AIMP1: variants seen among roughly 807,000 people sequenced by gnomAD.
AIMP1 encodes the protein aminoacyl tRNA synthetase complex interacting multifunctional protein 1.
AIMP1 carries 24 observed loss-of-function variants against 33.1 expected under a neutral mutation model. The observed-to-expected ratio is 0.73, with a 90% CI of 0.53 to 1.02. The LOEUF is 1.02. AIMP1 is among the 50% of genes least tolerant of loss of function. The probability of loss-of-function intolerance (pLI) is 0.00; values close to 1 mark genes in which losing one functional copy is unlikely to be tolerated. For synonymous variants in AIMP1, 120 were observed against 121.5 expected, an observed-to-expected ratio of 0.99 and a Z score of 0.08; for missense variants, 367 against 364.8, an observed-to-expected ratio of 1.01 and a Z score of -0.05.
chr4:106,327,239 T>C (rs1424953394), intron 2 of AIMP1, among the ~76,000 whole-genome samples: 3 of 146,870 alleles, frequency 2.0e-5, no homozygotes, highest in Non-Finnish European at 4.6e-5. Context: ...TTTACTCTTA[T>C]TTCATATATT....
Position 106,336,317 on chromosome 4 carries a change from T to C in AIMP1, c.604-552T>C, listed in dbSNP as rs1434964919. ...TCAGCTTCCCAAGGAGCTGGGATTA[T>C]AGGTGTGAGCCACCACACCCAGCCA... On this transcript the variant is annotated intron_variant, in intron 5 of 6. Transcript: ENST00000672341. Among the ~76,000 whole-genome samples the C allele has an allele frequency of 3.3e-5, 5 of 151,366 alleles. No individual in the cohort carries two copies. In the South Asian group the frequency reaches 8.3e-4, roughly 25 times the overall value.
intron 5 of AIMP1, among the ~76,000 whole-genome samples, chr4:106,333,512 G>C (rs765118514): frequency 6.6e-6 from 1 of 152,072 alleles, no homozygotes; most frequent in African/African-American, 2.4e-5. Flanking sequence ...TTAATTATCC[G>C]AGCCAGTGAA....
At chr4:106,316,507 G>A (rs1215976674), upstream of AIMP1, 7 of 1,549,340 alleles carry the variant, frequency 4.5e-6, no homozygotes, top group Non-Finnish European at 6.1e-6. Flanking sequence ...ACCTCATTGG[G>A]TCCTTTCTCA....
At chr4:106,332,727 TCTCA>T (rs1769730494) in intron 5 of AIMP1, among the ~76,000 whole-genome samples, 1 of 151,316 alleles carries the variant, frequency 6.6e-6, no homozygotes, top group African/African-American at 2.4e-5. Context: ...TACTCATTTA[TCTCA>T]CTCTGAGGCT....
chr4:106,337,431 A>G (rs1769927103), intron 6 of AIMP1, among the ~76,000 whole-genome samples: 1 of 152,116 alleles, frequency 6.6e-6, no homozygotes. Context: ...ATGGTTTTAT[A>G]AAAGGGCAGT....
At chr4:106,323,690 G>C (rs528741592) in intron 1 of AIMP1, among the ~76,000 whole-genome samples, 3 of 150,828 alleles carry the variant, frequency 2.0e-5, no homozygotes, top group Non-Finnish European at 4.4e-5. Context: ...TTTTATTTTA[G>C]TCTAACATAA....
intron 5 of AIMP1, among the ~76,000 whole-genome samples, chr4:106,332,393 A>G (rs970265755): frequency 1.3e-5 from 2 of 151,778 alleles, no homozygotes; most frequent in Non-Finnish European, 2.9e-5. Flanking sequence ...GGTTTATTTT[A>G]CATGATTTTG....
intron 1 of AIMP1, among the ~76,000 whole-genome samples, chr4:106,317,805 A>G (rs1263906967): frequency 3.9e-5 from 6 of 152,276 alleles, no homozygotes; most frequent in Admixed American, 2.0e-4. Flanking sequence ...TAAAATGGAA[A>G]TCACATCTGT....
At chr4:106,321,297 TGAG>T (rs1181266441) in intron 1 of AIMP1, 1 of 158,376 alleles carries the variant, frequency 6.3e-6, no homozygotes, top group African/African-American at 2.5e-5. Context: ...GTCTAGGAAG[TGAG>T]GAGCGTCTCT....
At chr4:106,343,413 A>C (rs986888226) in intron 6 of AIMP1, among the ~76,000 whole-genome samples, 1 of 152,230 alleles carries the variant, frequency 6.6e-6, no homozygotes, top group Non-Finnish European at 1.5e-5. Flanking sequence ...TGGAATAGTA[A>C]GACAGAAAAT....
In AIMP1 at chr4:106,337,048, A is replaced by T. The variant is rs775011435; in HGVS notation, c.772+11A>T. The stretch of plus-strand genomic sequence containing the variant: ...TTGATGCTTTCCCAGGTAGGTATTT[A>T]TTAGTAATTACTTAATAGTTTCGGA... On this transcript the variant is annotated intron_variant, in intron 6 of 6. Transcript: ENST00000672341. The T allele has an allele frequency of 6.2e-7, 1 of 1,610,704 alleles. No homozygotes were observed. The highest frequency in any genetic ancestry group is 2.2e-5 in the East Asian group (1 of 44,822).
At chr4:106,345,100 A>G (rs1435663606) in intron 6 of AIMP1, among the ~76,000 whole-genome samples, 1 of 152,198 alleles carries the variant, frequency 6.6e-6, no homozygotes, top group Non-Finnish European at 1.5e-5. Context: ...GTGTGTTATT[A>G]TGAATGTTAT....
At chr4:106,340,716 G>A (rs1378788949) in intron 6 of AIMP1, among the ~76,000 whole-genome samples, 1 of 152,164 alleles carries the variant, frequency 6.6e-6, no homozygotes, top group Non-Finnish European at 1.5e-5. Context: ...TTGATTGCAT[G>A]TCTTTGCTAT....
chr4:106,341,888 G>A (rs1045506926), intron 6 of AIMP1, among the ~76,000 whole-genome samples: 12 of 152,142 alleles, frequency 7.9e-5, no homozygotes, highest in African/African-American at 2.7e-4. Flanking sequence ...TGGGCAGTAA[G>A]GCAATTTTAA....
At chr4:106,325,420 A>T (rs754396365) in intron 2 of AIMP1, among the ~76,000 whole-genome samples, 5 of 151,952 alleles carry the variant, frequency 3.3e-5, no homozygotes, top group Non-Finnish European at 7.4e-5. Context: ...AAAAACCTGT[A>T]TTTACTCTCC....
intron 6 of AIMP1, among the ~76,000 whole-genome samples, chr4:106,344,269 A>T: frequency 6.6e-6 from 1 of 152,104 alleles, no homozygotes; most frequent in Non-Finnish European, 1.5e-5. Context: ...TCACTTAGAT[A>T]AGCTAGATAG....
chr4:106,325,678 T>C (rs1362658238), intron 2 of AIMP1, among the ~76,000 whole-genome samples: 1 of 152,052 alleles, frequency 6.6e-6, no homozygotes, highest in Non-Finnish European at 1.5e-5. Flanking sequence ...TGAAAATCTT[T>C]CTACTTATTC....
chr4:106,328,608 T>C (rs1238157644), intron 4 of AIMP1, among the ~76,000 whole-genome samples: 2 of 152,162 alleles, frequency 1.3e-5, no homozygotes, highest in Non-Finnish European at 2.9e-5. Flanking sequence ...GTTGTGAAGA[T>C]AGGAAAAGAA....
chr4:106,339,182 T>C (rs929010883), intron 6 of AIMP1, among the ~76,000 whole-genome samples: 1 of 152,204 alleles, frequency 6.6e-6, no homozygotes, highest in Non-Finnish European at 1.5e-5. Context: ...TTTGAGTTAA[T>C]ACTGAAATGA....
Sources: allele counts gnomAD v4.1 joint callset (sites outside exome capture counted in the v4.1 genomes callset), GRCh38; gene constraint gnomAD v4.1.1; transcripts MANE v1.5; gene names NCBI Gene and HGNC (gene_info 2026-07-23, HGNC 2026-07-21).